Variants in MLLT1 observed in about 807,000 individuals in gnomAD.
MLLT1 encodes the protein MLLT1 super elongation complex subunit.
MLLT1 carries 11 observed loss-of-function variants against 55.1 expected under a neutral mutation model. That is an observed-to-expected ratio of 0.20 (90% confidence interval 0.13 to 0.33). The LOEUF (loss-of-function observed/expected upper bound fraction) is 0.33, where lower values mean the gene tolerates loss of function less well. MLLT1 is among the 10% of genes least tolerant of loss of function. MLLT1 has a pLI of 1.00. For synonymous variants in MLLT1, 323 were observed against 320.1 expected (o/e 1.01, Z -0.10); for missense variants, 536 against 760.6 (o/e 0.70, Z 3.47).
At chr19:6,237,167 G>A (rs2091070481) in intron 3 of MLLT1, among the ~76,000 whole-genome samples, 1 of 152,240 alleles carries the variant, frequency 6.6e-6, no homozygotes, top group Non-Finnish European at 1.5e-5. Flanking sequence ...GGCTGGCCTT[G>A]GCACGAGGCA....
At chr19:6,243,186 A>G (rs545985824) in intron 3 of MLLT1, among the ~76,000 whole-genome samples, 9 of 152,282 alleles carry the variant, frequency 5.9e-5, no homozygotes, top group African/African-American at 2.2e-4. Context: ...AAGCTGAAAG[A>G]GACCCCGAGA....
intron 1 of MLLT1, among the ~76,000 whole-genome samples, chr19:6,277,515 A>C (rs537496319): frequency 1.8e-4 from 27 of 152,338 alleles, no homozygotes; most frequent in Admixed American, 1.7e-3. Context: ...TAAATCAGCC[A>C]CAGATGCTGG....
chr19:6,277,532 T>C (rs557090099), intron 1 of MLLT1, among the ~76,000 whole-genome samples: 1 of 152,272 alleles, frequency 6.6e-6, no homozygotes, highest in East Asian at 1.9e-4. Flanking sequence ...CTGGTGACTG[T>C]GGTACCGGGC....
rs1361403198 is a variant in MLLT1, at chr19:6,256,235, AAATAAATAAATAAATAAAT to A, written c.276+5974_276+5992del. Among the ~76,000 whole-genome samples the A allele has an allele frequency of 6.7e-6, 1 of 148,774 alleles. No homozygotes were observed. Among genetic ancestry groups the A allele is most frequent in the African/African-American group, 2.5e-5 (1 of 39,992 alleles). On this transcript the variant is annotated intron_variant, in intron 3 of 11. Coordinates refer to ENST00000252674, the MANE Select transcript of MLLT1 (RefSeq NM_005934.4). This position sits in a 1 kb window ranked among gnomAD's most constrained non-coding sequence, Gnocchi z 4.1. Reference sequence around the variant, plus strand: ...GTCTCAAAAAGATAAATAAATAAATAAATAAATAAATAAATAAATAAAAAGACCAGCCTGGGCAACACAA... The same window carrying A: ...GTCTCAAAAAGATAAATAAATAAATAAAAAAGACCAGCCTGGGCAACACAA...
In MLLT1 at chr19:6,218,569, T is replaced by C. The variant is rs371482874; in HGVS notation, c.1111-528A>G. ...TCCTACCGCCAGCTGCCCAAGACACTGAAGAGCGTGCGTGCACAGGGGACA... is the reference window on the plus strand; with the variant it reads ...TCCTACCGCCAGCTGCCCAAGACACCGAAGAGCGTGCGTGCACAGGGGACA... On this transcript the variant is annotated intron_variant, in intron 6 of 11. Transcript: ENST00000252674. Among the ~76,000 whole-genome samples the C allele has an allele frequency of 5.0e-4, 76 of 152,308 alleles. 2 individuals are homozygous for C. In the East Asian group the frequency reaches 7.3e-3, roughly 15 times the overall value.
intron 7 of MLLT1, 144 bp from the exon 8 acceptor site, chr19:6,216,657 G>A: frequency 1.6e-6 from 1 of 612,776 alleles, no homozygotes; most frequent in Non-Finnish European, 2.8e-6. Flanking sequence ...GGGTCCCTGT[G>A]CCCATCTCTA....
chr19:6,251,551 G>C (rs1308279299), intron 3 of MLLT1, among the ~76,000 whole-genome samples: 1 of 152,158 alleles, frequency 6.6e-6, no homozygotes, highest in Admixed American at 6.5e-5. Flanking sequence ...GGAACAGTGA[G>C]TTAGAAAAAA....
At chr19:6,244,441 G>A (rs1568287150) in intron 3 of MLLT1, among the ~76,000 whole-genome samples, 6 of 151,460 alleles carry the variant, frequency 4.0e-5, no homozygotes, top group South Asian at 2.1e-4. Flanking sequence ...CCCTTTGACA[G>A]TCTCCCCCGC....
At chr19:6,213,819 G>A (rs1171989289) in intron 9 of MLLT1, 22 bp from the exon 10 acceptor site, 5 of 1,612,236 alleles carry the variant, frequency 3.1e-6, no homozygotes, top group Non-Finnish European at 4.2e-6. Context: ...CCAGGTCTCT[G>A]CTGAGCTGTG....
At position 6,227,526 on chromosome 19, in the gene MLLT1, G is replaced by A. The variant is rs112761036; in HGVS notation, c.421-424C>T. On this transcript the variant is annotated intron_variant, in intron 4 of 11. Transcript: ENST00000252674. The surrounding 1 kb of genome is among the most constrained non-coding windows in gnomAD (Gnocchi z 5.1). ...TGCGAAAGGCAGGCAGCAACTTCCCGGGGTGCACATGGGTGCAACTCCAGT... is the reference window on the plus strand; with the variant it reads ...TGCGAAAGGCAGGCAGCAACTTCCCAGGGTGCACATGGGTGCAACTCCAGT... 6.6e-6 allele frequency among the ~76,000 whole-genome samples: 1 copy of A among 152,236 alleles called. No individual in the cohort carries two copies. Among genetic ancestry groups the A allele is most frequent in the African/African-American group, 2.4e-5 (1 of 41,464 alleles).
Position 6,226,780 on chromosome 19 carries a change from T to A in MLLT1, c.546+197A>T, listed in dbSNP as rs1056802462. Reference sequence around the variant, plus strand: ...CAAGATGAACAGGGCAAAGAGCCCATGATCACGGGCTTATTCCTGAAATCC... The same window carrying A: ...CAAGATGAACAGGGCAAAGAGCCCAAGATCACGGGCTTATTCCTGAAATCC... On this transcript the variant is annotated intron_variant, in intron 5 of 11. Coordinates refer to ENST00000252674, the MANE Select transcript of MLLT1 (RefSeq NM_005934.4). This position sits in a 1 kb window ranked among gnomAD's most constrained non-coding sequence, Gnocchi z 6.3. Among the ~76,000 whole-genome samples, 6 of 152,110 alleles carry A rather than the reference T, an allele frequency of 3.9e-5. No homozygotes were observed. The highest frequency in any genetic ancestry group is 1.4e-4 in the African/African-American group (6 of 41,440).
chr19:6,223,278 T>C (rs1261954404), intron 5 of MLLT1, among the ~76,000 whole-genome samples: 1 of 152,162 alleles, frequency 6.6e-6, no homozygotes, highest in African/African-American at 2.4e-5. Context: ...GAGCGCCCAC[T>C]GGGTCCCTGG....
At chr19:6,255,504 G>T (rs575023571) in intron 3 of MLLT1, among the ~76,000 whole-genome samples, 8 of 151,858 alleles carry the variant, frequency 5.3e-5, no homozygotes, top group Admixed American at 3.9e-4. Flanking sequence ...ACAAAACAAG[G>T]CAAAAAAACC....
At chr19:6,221,302 C>G (rs930026712) in intron 6 of MLLT1, among the ~76,000 whole-genome samples, 11 of 152,310 alleles carry the variant, frequency 7.2e-5, no homozygotes, top group African/African-American at 2.4e-4. Context: ...TGTCTAAATG[C>G]CAAGTGCCAG....
chr19:6,217,155 T>C (rs2090852726), intron 7 of MLLT1, among the ~76,000 whole-genome samples: 1 of 152,052 alleles, frequency 6.6e-6, no homozygotes, highest in African/African-American at 2.4e-5. Flanking sequence ...ATAAGAACAC[T>C]TGGAGCGAGT....
Position 6,270,360 on chromosome 19 carries a change from C to T in MLLT1, c.193+219G>A, listed in dbSNP as rs954384493. Among the ~76,000 whole-genome samples, 2 of 152,112 alleles carry T rather than the reference C, an allele frequency of 1.3e-5. No individual in the cohort carries two copies. Among genetic ancestry groups the T allele is most frequent in the Admixed American group, 6.5e-5 (1 of 15,280 alleles). ...CTTCCCAGAGCCCGGGTCTAAATCACGACACAACAGACCGCCACCACCTCC... is the reference window on the plus strand; with the variant it reads ...CTTCCCAGAGCCCGGGTCTAAATCATGACACAACAGACCGCCACCACCTCC... On this transcript the variant is annotated intron_variant, in intron 2 of 11. Coordinates refer to ENST00000252674, the MANE Select transcript of MLLT1 (RefSeq NM_005934.4). This position sits in a 1 kb window ranked among gnomAD's most constrained non-coding sequence, Gnocchi z 7.1.
intron 10 of MLLT1, 115 bp downstream of exon 10, chr19:6,213,611 G>A: frequency 1.8e-6 from 2 of 1,134,378 alleles, no homozygotes; most frequent in Non-Finnish European, 1.3e-6. Context: ...CCCTGCTCCT[G>A]CCCAGGAAGA....
In MLLT1 at chr19:6,279,884, G is replaced by GCGCCGCCGC. The variant is rs570920732; in HGVS notation, c.-109_-101dup. On this transcript the variant is annotated 5_prime_UTR_variant, in exon 1 of 12. Coordinates refer to ENST00000252674, the MANE Select transcript of MLLT1 (RefSeq NM_005934.4). ...CCCCGCCGCCCTCATTGTCTGTCAA[G>GCGCCGCCGC]CGCCGCCGCCGCCGCCGCCGCCGCC... The GCGCCGCCGC allele has an allele frequency of 1.2e-4, 20 of 164,224 alleles. No homozygotes were observed. The highest frequency in any genetic ancestry group is 5.5e-4 in the East Asian group (3 of 5,486). The allele number at this position is 164,224 out of a possible 1,614,324, so 10.2% of individuals were successfully genotyped here.
chr19:6,237,721 T>C (rs1451669104), intron 3 of MLLT1, among the ~76,000 whole-genome samples: 2 of 146,380 alleles, frequency 1.4e-5, no homozygotes, highest in Non-Finnish European at 3.0e-5. Flanking sequence ...ATGATGGAGA[T>C]TGAGCCACTC....
Sources: gnomAD v4.1 joint callset for allele counts (sites outside exome capture counted in the v4.1 genomes callset) on GRCh38, gnomAD v4.1.1 for gene constraint, Gnocchi (gnomAD v3.1) non-coding constraint, MANE v1.5 for transcripts, NCBI Gene and HGNC (gene_info 2026-07-23, HGNC 2026-07-21) for gene names.